ABTB2: variants seen among roughly 807,000 people sequenced by gnomAD.
The protein encoded by ABTB2 is ankyrin repeat and BTB/POZ domain-containing protein 2.
ABTB2 carries 56 observed loss-of-function variants against 104.1 expected under a neutral mutation model. The observed-to-expected ratio is 0.54, with a 90% CI of 0.43 to 0.67. The LOEUF is 0.67. ABTB2 is among the 30% of genes least tolerant of loss of function. ABTB2 has a pLI of 0.00. For synonymous variants in ABTB2, 606 were observed against 608.2 expected (o/e 1.00, Z 0.05); for missense variants, 1,279 against 1,407.7 (o/e 0.91, Z 1.46).
intron 1 of ABTB2, among the ~76,000 whole-genome samples, chr11:34,229,480 C>CAA (rs56906755): frequency 5.8e-5 from 5 of 86,360 alleles, no homozygotes; most frequent in Non-Finnish European, 2.4e-5. Flanking sequence ...GACTCCATCT[C>CAA]AAAAAAAAAA....
intron 1 of ABTB2, among the ~76,000 whole-genome samples, chr11:34,273,834 T>C (rs2133082295): frequency 6.6e-6 from 1 of 152,166 alleles, no homozygotes; most frequent in Non-Finnish European, 1.5e-5. Flanking sequence ...ACAATAATTA[T>C]AACAAGTGAG....
chr11:34,284,281 C>T (rs1483821718), intron 1 of ABTB2, among the ~76,000 whole-genome samples: 1 of 152,238 alleles, frequency 6.6e-6, no homozygotes. Context: ...AAACCTTTAG[C>T]TTCTCAGGCC....
At chr11:34,249,927 A>G (rs1854034931) in intron 1 of ABTB2, among the ~76,000 whole-genome samples, 1 of 152,232 alleles carries the variant, frequency 6.6e-6, no homozygotes. Context: ...TTGCTGGTAT[A>G]GAGTGGTCTA....
At chr11:34,180,710 G>A (rs955590619) in intron 3 of ABTB2, among the ~76,000 whole-genome samples, 4 of 152,254 alleles carry the variant, frequency 2.6e-5, no homozygotes, top group Middle Eastern at 3.4e-3. Flanking sequence ...AAGGTTACAC[G>A]GCCAATTCAG....
Position 34,291,635 on chromosome 11 carries a change from A to G in ABTB2, c.883+65066T>C, listed in dbSNP as rs143791505. On this transcript the variant is annotated intron_variant, in intron 1 of 16. Coordinates refer to ENST00000435224, the MANE Select transcript of ABTB2 (RefSeq NM_145804.3). ...CTCAGCCTCCCGAGTAACTTGGATT[A>G]CAGGCGTCTGCCACCATGCCCTGCT... Among the ~76,000 whole-genome samples the G allele has an allele frequency of 4.0e-3, 616 of 152,126 alleles. 13 individuals are homozygous for G. The highest frequency in any genetic ancestry group is 0.022 in the East Asian group (114 of 5,168).
chr11:34,210,994 T>C (rs1478387096), intron 1 of ABTB2, among the ~76,000 whole-genome samples: 3 of 152,216 alleles, frequency 2.0e-5, no homozygotes, highest in Non-Finnish European at 2.9e-5. Flanking sequence ...ATTTTATATA[T>C]AGTACATTTA....
rs1491320548 is a variant in ABTB2, at chr11:34,182,498, G to GGC, written c.1245-9192_1245-9191insGC. On this transcript the variant is annotated intron_variant, in intron 3 of 16. Coordinates refer to ENST00000435224, the MANE Select transcript of ABTB2 (RefSeq NM_145804.3). ...CTTGAGGTGGGGCATTGGGTTCTCT[G>GGC]GGGGGGGGGGGAAATTCACTTTTCC... is the stretch of plus-strand genomic sequence containing the variant. Among the ~76,000 whole-genome samples, 379 of 122,388 alleles carry GGC rather than the reference G, an allele frequency of 3.1e-3. 28 individuals carry two copies. The highest frequency in any genetic ancestry group is 0.014 in the African/African-American group (366 of 25,340). The allele number at this position is 122,388 out of a possible 152,430, so 80.3% of individuals were successfully genotyped here. A position where few individuals can be genotyped will look rare whatever the true frequency, so the allele number is the denominator to read the frequency against.
intron 1 of ABTB2, among the ~76,000 whole-genome samples, chr11:34,259,189 C>T (rs1279287620): frequency 4.6e-5 from 7 of 152,300 alleles, no homozygotes; most frequent in South Asian, 2.1e-4. Flanking sequence ...CACCCTAGTC[C>T]GCCCTCTGCT....
At chr11:34,303,125 G>A (rs1052854630) in intron 1 of ABTB2, among the ~76,000 whole-genome samples, 1 of 152,134 alleles carries the variant, frequency 6.6e-6, no homozygotes, top group Admixed American at 6.5e-5. Context: ...CACTTGCCAC[G>A]GTGCTGTTGG....
At chr11:34,261,961 T>G (rs1278287186) in intron 1 of ABTB2, among the ~76,000 whole-genome samples, 1 of 152,138 alleles carries the variant, frequency 6.6e-6, no homozygotes, top group Non-Finnish European at 1.5e-5. Context: ...CTTGGCAGGG[T>G]GGGGTGCTGG....
At chr11:34,169,898 C>T (rs954931756) in intron 5 of ABTB2, among the ~76,000 whole-genome samples, 1 of 152,204 alleles carries the variant, frequency 6.6e-6, no homozygotes, top group Non-Finnish European at 1.5e-5. Context: ...CAGCCCATCC[C>T]ATCTGTCAGG....
At chr11:34,197,202 A>G in intron 3 of ABTB2, 123 bp downstream of exon 3, 1 of 1,070,794 alleles carries the variant, frequency 9.3e-7, no homozygotes, top group East Asian at 2.5e-5. Context: ...CCTCACAGGC[A>G]TAGCACAGTT....
Position 34,154,129 on chromosome 11 carries a change from C to T in ABTB2, c.2880+136G>A. ...ACACAGGGAGTTGCTAACCCTCCCT[C>T]AGCCTCTACACTGCCCTCAGAAGCA... On this transcript the variant is annotated intron_variant, in intron 16 of 16. Transcript: ENST00000435224. The surrounding 1 kb of genome is among the most constrained non-coding windows in gnomAD (Gnocchi z 4.9). The T allele has an allele frequency of 1.5e-6, 1 of 666,860 alleles. No individual in the cohort carries two copies. The highest frequency in any genetic ancestry group is 2.7e-6 in the Non-Finnish European group (1 of 371,502). The allele number at this position is 666,860 out of a possible 1,614,324, so 41.3% of individuals were successfully genotyped here.
chr11:34,237,757 G>A (rs147319025), intron 1 of ABTB2, among the ~76,000 whole-genome samples: 14 of 152,290 alleles, frequency 9.2e-5, no homozygotes, highest in African/African-American at 3.4e-4. Context: ...TGGGCATAGT[G>A]GTGGGCGCCT....
chr11:34,314,944 T>C (rs1854907361), intron 1 of ABTB2, among the ~76,000 whole-genome samples: 1 of 152,174 alleles, frequency 6.6e-6, no homozygotes, highest in South Asian at 2.1e-4. Context: ...GCCCCTGTGA[T>C]GGCCCTAATG....
intron 1 of ABTB2, among the ~76,000 whole-genome samples, chr11:34,310,198 C>G (rs1379066646): frequency 6.6e-6 from 1 of 152,164 alleles, no homozygotes; most frequent in Non-Finnish European, 1.5e-5. Flanking sequence ...CATCCATATG[C>G]AGATGACTTT....
intron 1 of ABTB2, among the ~76,000 whole-genome samples, chr11:34,345,803 C>G (rs1053455339): frequency 6.6e-6 from 1 of 152,166 alleles, no homozygotes; most frequent in Admixed American, 6.5e-5. Context: ...TTTAATTACC[C>G]GGCTGCTGAG....
At chr11:34,233,018 C>G (rs113790603) in intron 1 of ABTB2, among the ~76,000 whole-genome samples, 4 of 151,712 alleles carry the variant, frequency 2.6e-5, no homozygotes, top group African/African-American at 7.3e-5. Context: ...TATACTACCC[C>G]CTCCATCATG....
At chr11:34,184,529 G>A (rs1213621461) in intron 3 of ABTB2, among the ~76,000 whole-genome samples, 1 of 152,224 alleles carries the variant, frequency 6.6e-6, no homozygotes, top group African/African-American at 2.4e-5. Context: ...TGGGTGAGAT[G>A]GTACAGATTC....
Sources: gnomAD v4.1 joint callset for allele counts (sites outside exome capture counted in the v4.1 genomes callset) on GRCh38, gnomAD v4.1.1 for gene constraint, Gnocchi (gnomAD v3.1) non-coding constraint, MANE v1.5 for transcripts, NCBI Gene and HGNC (gene_info 2026-07-23, HGNC 2026-07-21) for gene names.